FAM168B: variants seen among roughly 807,000 people sequenced by gnomAD.
FAM168B encodes the protein family with sequence similarity 168 member B.
In FAM168B, 19 loss-of-function variants were observed where a neutral mutation model predicts 21.8. That is an observed-to-expected ratio of 0.87 (90% CI 0.61 to 1.28). The LOEUF (loss-of-function observed/expected upper bound fraction) is 1.28, where lower values mean the gene tolerates loss of function less well. Ranked by LOEUF, FAM168B falls within the 50% of genes most tolerant of loss-of-function variation. The probability of loss-of-function intolerance (pLI) is 0.00; values close to 1 mark genes in which losing one functional copy is unlikely to be tolerated. For missense variants in FAM168B, 233 were observed against 263.1 expected (o/e 0.89, Z 0.79); for synonymous variants, 126 against 104.8 (o/e 1.20, Z -1.24).
At chr2:131,071,461 AAAT>A (rs1377511117) in intron 3 of FAM168B, among the ~76,000 whole-genome samples, 1 of 152,234 alleles carries the variant, frequency 6.6e-6, no homozygotes, top group Non-Finnish European at 1.5e-5. Flanking sequence ...ATTACATGGA[AAAT>A]AATACTTTTT....
At position 131,058,826 on chromosome 2, in the gene FAM168B, C is replaced by T. The variant is rs144760496; in HGVS notation, c.155-3131G>A. Reference sequence around the variant, plus strand: ...CAGGTGTACACAGGTTAAAACTCATCAAACTGAAGCTTTAAATCTGTACAC... The same window carrying T: ...CAGGTGTACACAGGTTAAAACTCATTAAACTGAAGCTTTAAATCTGTACAC... On this transcript the variant is annotated intron_variant, in intron 3 of 6. Coordinates refer to ENST00000389915, the MANE Select transcript of FAM168B (RefSeq NM_001009993.4). 2.9e-3 allele frequency among the ~76,000 whole-genome samples: 441 copies of T among 152,292 alleles called. 1 individual carries two copies. The highest frequency in any genetic ancestry group is 1.0e-2 in the African/African-American group (414 of 41,566).
chr2:131,048,037 T>C lies in FAM168B; in HGVS notation c.*4428A>G, dbSNP rs900816298. ...GACACCTAACTGAACTGGCTCAGGA[T>C]GGAAATTCCATTCCTTGGCATGGAT... is the stretch of plus-strand genomic sequence containing the variant. On this transcript the variant is annotated 3_prime_UTR_variant, in exon 7 of 7. Coordinates refer to ENST00000389915, the MANE Select transcript of FAM168B (RefSeq NM_001009993.4). 6.9e-6 allele frequency: 3 copies of C among 435,212 alleles called. No homozygotes were observed. The highest frequency in any genetic ancestry group is 1.1e-5 in the Non-Finnish European group (3 of 274,090). 27.0% of individuals were successfully genotyped at this position (435,212 alleles called of 1,614,324 possible). A position where few individuals can be genotyped will look rare whatever the true frequency, so the allele number is the denominator to read the frequency against.
intron 1 of FAM168B, among the ~76,000 whole-genome samples, chr2:131,087,192 G>C (rs1442439958): frequency 6.6e-6 from 1 of 152,072 alleles, no homozygotes; most frequent in Non-Finnish European, 1.5e-5. Flanking sequence ...CGTTAGGCCA[G>C]GCACAGCGGC....
intron 3 of FAM168B, among the ~76,000 whole-genome samples, chr2:131,066,533 T>C (rs1490880785): frequency 6.6e-6 from 1 of 152,192 alleles, no homozygotes; most frequent in East Asian, 1.9e-4. Context: ...CAACCTTGTG[T>C]GTAGAGCTTA....
rs530471214 is a variant in FAM168B at position 131,049,656 on chromosome 2, T to C, written c.*2809A>G. 7.5e-5 allele frequency: 74 copies of C among 985,702 alleles called. No individual in the cohort carries two copies. The African/African-American group carries it at 1.2e-3, about 15-fold the overall frequency. The allele number at this position is 985,702 out of a possible 1,614,324, so 61.1% of individuals were successfully genotyped here. A position where few individuals can be genotyped will look rare whatever the true frequency, so the allele number is the denominator to read the frequency against. The stretch of plus-strand genomic sequence containing the variant: ...AGGTGTAGAACAAATATTTTTTAAA[T>C]AGCCATCATGATGTCCATGTTTACA... On this transcript the variant is annotated 3_prime_UTR_variant, in exon 7 of 7. Coordinates refer to ENST00000389915, the MANE Select transcript of FAM168B (RefSeq NM_001009993.4).
intron 3 of FAM168B, among the ~76,000 whole-genome samples, chr2:131,058,759 C>G (rs991050732): frequency 3.3e-5 from 5 of 152,282 alleles, no homozygotes; most frequent in Admixed American, 2.6e-4. Context: ...ATCTCCTCGT[C>G]TTTAAGAAGG....
At chr2:131,052,857 T>C (rs1301145465) in intron 6 of FAM168B, 34 bp downstream of exon 6, 1 of 1,545,282 alleles carries the variant, frequency 6.5e-7, no homozygotes, top group Non-Finnish European at 8.7e-7. Flanking sequence ...TGCCCTTTCA[T>C]CAAAGGCTAG....
At position 131,049,519 on chromosome 2, in the gene FAM168B, C is replaced by T. The variant is rs1691517706; in HGVS notation, c.*2946G>A. 1.0e-6 allele frequency: 1 copy of T among 985,370 alleles called. No homozygotes were observed. Among genetic ancestry groups the T allele is most frequent in the Non-Finnish European group, 1.2e-6 (1 of 829,980 alleles). 61.0% of individuals were successfully genotyped at this position (985,370 alleles called of 1,614,324 possible). On this transcript the variant is annotated 3_prime_UTR_variant, in exon 7 of 7. Coordinates refer to ENST00000389915, the MANE Select transcript of FAM168B (RefSeq NM_001009993.4). Reference sequence around the variant, plus strand: ...TCTGGCCCTCACAGAGCGGCAAGTTCATGGGTCACTGGCTCACACTAAATG... The same window carrying T: ...TCTGGCCCTCACAGAGCGGCAAGTTTATGGGTCACTGGCTCACACTAAATG...
chr2:131,071,735 A>C (rs1692879784), intron 3 of FAM168B, 120 bp downstream of exon 3: 1 of 826,170 alleles, frequency 1.2e-6, no homozygotes, highest in East Asian at 2.5e-5. Flanking sequence ...AGGCTAACTT[A>C]ATGAACTTGA....
intron 3 of FAM168B, among the ~76,000 whole-genome samples, chr2:131,064,771 A>C (rs1374577187): frequency 1.3e-5 from 2 of 152,198 alleles, no homozygotes; most frequent in East Asian, 1.9e-4. Flanking sequence ...TGACCCCCCC[A>C]GGGTCTGGCC....
intron 3 of FAM168B, among the ~76,000 whole-genome samples, chr2:131,056,516 C>T (rs1692028531): frequency 1.3e-5 from 2 of 152,072 alleles, no homozygotes; most frequent in Admixed American, 1.3e-4. Context: ...TAAAGAGACC[C>T]CATCTAGTAG....
intron 1 of FAM168B, among the ~76,000 whole-genome samples, chr2:131,089,141 T>C (rs1693874779): frequency 6.6e-6 from 1 of 152,040 alleles, no homozygotes; most frequent in Non-Finnish European, 1.5e-5. Flanking sequence ...TAATTTTGTA[T>C]TTTTAGTAGA....
chr2:131,050,079 T>G lies in FAM168B; in HGVS notation c.*2386A>C. Reference sequence around the variant, plus strand: ...CAACTTCATAAAAGGGAAAAAAGGTTAAGTTACAGGGAGGAAGAAAAGTGT... The same window carrying G: ...CAACTTCATAAAAGGGAAAAAAGGTGAAGTTACAGGGAGGAAGAAAAGTGT... On this transcript the variant is annotated 3_prime_UTR_variant, in exon 7 of 7. Transcript: ENST00000389915. The G allele has an allele frequency of 1.0e-6, 1 of 985,462 alleles. No homozygotes were observed. Among genetic ancestry groups the G allele is most frequent in the Non-Finnish European group, 1.2e-6 (1 of 829,946 alleles). The allele number at this position is 985,462 out of a possible 1,614,324, so 61.0% of individuals were successfully genotyped here.
chr2:131,072,121 T>A (rs1241937517), intron 2 of FAM168B, among the ~76,000 whole-genome samples, 183 bp from the exon 3 acceptor site: 1 of 152,216 alleles, frequency 6.6e-6, no homozygotes, highest in Non-Finnish European at 1.5e-5. Flanking sequence ...ACTTTGTTTT[T>A]TTTATCGTTG....
At chr2:131,073,963 C>G (rs1042749452) in intron 2 of FAM168B, among the ~76,000 whole-genome samples, 6 of 152,160 alleles carry the variant, frequency 3.9e-5, no homozygotes, top group African/African-American at 1.4e-4. Context: ...ACAGAAACAT[C>G]AAATAAGACA....
chr2:131,050,711 G>T lies in FAM168B; in HGVS notation c.*1754C>A. The T allele has an allele frequency of 1.0e-6, 1 of 985,384 alleles. No individual in the cohort carries two copies. The highest frequency in any genetic ancestry group is 1.2e-6 in the Non-Finnish European group (1 of 829,918). 61.0% of individuals were successfully genotyped at this position (985,384 alleles called of 1,614,324 possible). ...AAAATAAGGTTACCAAAGGCTCAGT[G>T]GTCAGGTGTCCCCCCACCAACCAAC... is the stretch of plus-strand genomic sequence containing the variant. On this transcript the variant is annotated 3_prime_UTR_variant, in exon 7 of 7. Coordinates refer to ENST00000389915, the MANE Select transcript of FAM168B (RefSeq NM_001009993.4).
At chr2:131,052,560 G>A in intron 6 of FAM168B, 108 bp from the exon 7 acceptor site, 1 of 897,584 alleles carries the variant, frequency 1.1e-6, no homozygotes, top group Non-Finnish European at 1.4e-6. Context: ...GCAGCAATGG[G>A]CAAAACTGCT....
At chr2:131,079,490 A>G (rs1174436849) in intron 2 of FAM168B, among the ~76,000 whole-genome samples, 1 of 152,126 alleles carries the variant, frequency 6.6e-6, no homozygotes, top group East Asian at 1.9e-4. Flanking sequence ...CAAACACACA[A>G]AAGACACACA....
chr2:131,072,168 G>A (rs1475033455), intron 2 of FAM168B, among the ~76,000 whole-genome samples: 1 of 152,192 alleles, frequency 6.6e-6, no homozygotes, highest in Non-Finnish European at 1.5e-5. Context: ...TCATCGCCCA[G>A]GCTGGAGTGC....
Sources: allele counts gnomAD v4.1 joint callset (sites outside exome capture counted in the v4.1 genomes callset), GRCh38; gene constraint gnomAD v4.1.1; transcripts MANE v1.5; gene names NCBI Gene and HGNC (gene_info 2026-07-23, HGNC 2026-07-21).